ATP6AP2: variants seen among roughly 807,000 people sequenced by gnomAD.
The protein encoded by ATP6AP2 is renin receptor.
Under a neutral mutation model 23.4 loss-of-function variants are expected in ATP6AP2, and 1 was observed. The observed-to-expected ratio is 0.04, with a 90% confidence interval of 0.02 to 0.20. ATP6AP2 has a LOEUF of 0.20. Ranked by LOEUF, ATP6AP2 falls within the 10% of genes least tolerant of loss-of-function variation. ATP6AP2 has a pLI of 1.00. For missense variants in ATP6AP2, 174 were observed against 271.3 expected (o/e 0.64, Z 2.52); for synonymous variants, 90 against 97.1 (o/e 0.93, Z 0.43).
chrX:40,597,045 A>T lies in ATP6AP2; in HGVS notation c.301-204A>T, dbSNP rs57869407. 4,404 of 417,018 alleles carry T rather than the reference A, an allele frequency of 0.011. 142 individuals are homozygous for T. The highest frequency in any genetic ancestry group is 0.097 in the African/African-American group (3,885 of 40,034). 34.4% of individuals were successfully genotyped at this position (417,018 alleles called of 1,213,427 possible). On this transcript the variant is annotated intron_variant, in intron 3 of 8. Transcript: ENST00000636580. ...TTAAGTTATTTTCCACTGAGGCATG[A>T]TGGGAGATACAGACTTGGCTTACCA...
chrX:40,596,414 CTG>C (rs906357859), intron 3 of ATP6AP2, among the ~76,000 whole-genome samples: 19 of 111,186 alleles, frequency 1.7e-4, no homozygotes, highest in African/African-American at 5.2e-4. Flanking sequence ...GGAAAAATAA[CTG>C]TAATTTATTT....
intron 8 of ATP6AP2, among the ~76,000 whole-genome samples, chrX:40,602,649 C>CAA (rs770480291): frequency 1.5e-4 from 9 of 59,026 alleles, no homozygotes; most frequent in African/African-American, 2.6e-4. Context: ...GACTCCATCT[C>CAA]AAAAAAAAAA....
Position 40,588,209 on chromosome X carries a change from C to G in ATP6AP2, c.38-777C>G, listed in dbSNP as rs182432652. Among the ~76,000 whole-genome samples, 552 of 111,921 alleles carry G rather than the reference C, an allele frequency of 4.9e-3. 2 individuals carry two copies. Among genetic ancestry groups the G allele is most frequent in the Non-Finnish European group, 8.7e-3 (460 of 53,167 alleles). ...TATCTTTTAATCCTGAATCCTTAGA[C>G]TAGTTGACTTTATCATTACAGAATA... is the stretch of plus-strand genomic sequence containing the variant. On this transcript the variant is annotated intron_variant, in intron 1 of 8. Transcript: ENST00000636580.
chrX:40,582,456 C>G (rs1427216681), intron 1 of ATP6AP2, among the ~76,000 whole-genome samples: 1 of 111,453 alleles, frequency 9.0e-6, no homozygotes, highest in East Asian at 2.8e-4. Context: ...ACAAACAAAC[C>G]AAAAACCTAT....
chrX:40,581,037 C>T lies in ATP6AP2; in HGVS notation c.-29C>T. ...TGTCCCGCCGGCCCGTTCCGTGTCG[C>T]CCCGCAGTGCTGCGGCCGCCGCGGC... is the stretch of plus-strand genomic sequence containing the variant. On this transcript the variant is annotated 5_prime_UTR_variant, in exon 1 of 9. Transcript: ENST00000636580. 8.6e-7 allele frequency: 1 copy of T among 1,164,245 alleles called. No homozygotes were observed. Among genetic ancestry groups the T allele is most frequent in the South Asian group, 1.9e-5 (1 of 52,712 alleles).
intron 3 of ATP6AP2, among the ~76,000 whole-genome samples, chrX:40,593,407 A>G (rs760588934): frequency 2.7e-5 from 3 of 111,867 alleles, no homozygotes; most frequent in Non-Finnish European, 5.6e-5. Context: ...TTCACTTAAC[A>G]TAATGTCCTC....
intron 1 of ATP6AP2, 36 bp downstream of exon 1, chrX:40,581,138 A>G: frequency 8.9e-7 from 1 of 1,118,758 alleles, no homozygotes; most frequent in Admixed American, 2.7e-5. Context: ...GTGCCTGGGG[A>G]GGTCCTGCGC....
chrX:40,585,931 G>A (rs1023636256), intron 1 of ATP6AP2, among the ~76,000 whole-genome samples: 8 of 111,857 alleles, frequency 7.2e-5, no homozygotes, highest in South Asian at 3.7e-4. Context: ...AGAAGCAAAC[G>A]GTGGTTGACT....
At chrX:40,599,253 T>C (rs1332317696) in intron 6 of ATP6AP2, 1 of 260,198 alleles carries the variant, frequency 3.8e-6, no homozygotes, top group Non-Finnish European at 6.9e-6. Flanking sequence ...AGTCTGGAAG[T>C]GTAGTGCATT....
intron 3 of ATP6AP2, chrX:40,596,990 G>A: frequency 3.0e-6 from 1 of 336,039 alleles, no homozygotes; most frequent in Non-Finnish European, 5.2e-6. Context: ...AAAATGGTTT[G>A]TGCTAGATAT....
chrX:40,591,030 A>AT, intron 2 of ATP6AP2: 2 of 438,268 alleles, frequency 4.6e-6, no homozygotes, highest in Non-Finnish European at 7.5e-6. Flanking sequence ...AATCTGTAAA[A>AT]TTTTAAGAAA....
chrX:40,600,723 T>C (rs1434640957), intron 7 of ATP6AP2, 39 bp from the exon 8 acceptor site: 1 of 1,166,425 alleles, frequency 8.6e-7, no homozygotes, highest in Non-Finnish European at 1.2e-6. Flanking sequence ...AAAAAGTACA[T>C]AGTTGAGATT....
chrX:40,598,616 A>T, intron 5 of ATP6AP2, 65 bp from the exon 6 acceptor site: 1 of 1,044,632 alleles, frequency 9.6e-7, no homozygotes, highest in East Asian at 3.0e-5. Context: ...TTGCTTGGTA[A>T]ATGGCAAATA....
intron 8 of ATP6AP2, among the ~76,000 whole-genome samples, chrX:40,604,427 A>G (rs1381833928): frequency 1.8e-5 from 2 of 110,890 alleles, no homozygotes; most frequent in Non-Finnish European, 3.8e-5. Context: ...AAGAGAGAGA[A>G]AGTGGCACAC....
chrX:40,593,180 G>A (rs1926682003), intron 3 of ATP6AP2, among the ~76,000 whole-genome samples: 1 of 110,971 alleles, frequency 9.0e-6, no homozygotes, highest in African/African-American at 3.3e-5. Context: ...CTGGGAGGTG[G>A]AGGTTGCAGT....
At chrX:40,586,789 T>C (rs1602397307) in intron 1 of ATP6AP2, among the ~76,000 whole-genome samples, 1 of 111,777 alleles carries the variant, frequency 8.9e-6, no homozygotes, top group African/African-American at 3.3e-5. Flanking sequence ...CCTTCCTCTG[T>C]ATAGGAGTCC....
chrX:40,582,236 T>A (rs1926346897), intron 1 of ATP6AP2, among the ~76,000 whole-genome samples: 1 of 112,123 alleles, frequency 8.9e-6, no homozygotes, highest in South Asian at 3.7e-4. Context: ...GAGACCAGCC[T>A]GGCCAACAAG....
Position 40,602,192 on chromosome X carries a change from G to A in ATP6AP2, c.858+1311G>A, listed in dbSNP as rs769705672. Among the ~76,000 whole-genome samples, 2 of 100,496 alleles carry A rather than the reference G, an allele frequency of 2.0e-5. 1 individual carries two copies. The highest frequency in any genetic ancestry group is 9.1e-5 in the African/African-American group (2 of 21,982). The allele number at this position is 100,496 out of a possible 115,157, so 87.3% of individuals were successfully genotyped here. The stretch of plus-strand genomic sequence containing the variant: ...AGCTACTTGGAAGGCTGAGGCAGGA[G>A]AATTGCTTGTACCCGGGAGGCAGAG... On this transcript the variant is annotated intron_variant, in intron 8 of 8. Transcript: ENST00000636580.
chrX:40,599,115 G>A (rs952244044), intron 6 of ATP6AP2: 6 of 218,770 alleles, frequency 2.7e-5, no homozygotes, highest in African/African-American at 1.2e-4. Flanking sequence ...GACGAAATCC[G>A]TCTGAAGGGT....
Sources: gnomAD v4.1 joint callset for allele counts (sites outside exome capture counted in the v4.1 genomes callset) on GRCh38, gnomAD v4.1.1 for gene constraint, MANE v1.5 for transcripts, NCBI Gene and HGNC (gene_info 2026-07-23, HGNC 2026-07-21) for gene names.